Variants in INPP5F observed in about 807,000 individuals in gnomAD.
INPP5F encodes phosphatidylinositide 4-phosphatase SAC2.
INPP5F carries 97 observed loss-of-function variants against 137.2 expected under a neutral mutation model. The observed-to-expected ratio is 0.71, with a 90% CI of 0.60 to 0.84. INPP5F has a LOEUF of 0.84. INPP5F is among the 40% of genes least tolerant of loss of function. INPP5F has a pLI of 0.00. For synonymous variants in INPP5F, 504 were observed against 476.9 expected, an observed-to-expected ratio of 1.06 and a Z score of -0.74; for missense variants, 1,271 against 1,371.9, an observed-to-expected ratio of 0.93 and a Z score of 1.16.
chr10:119,777,799 T>C (rs527725290), intron 2 of INPP5F, among the ~76,000 whole-genome samples: 22 of 152,232 alleles, frequency 1.4e-4, no homozygotes, highest in African/African-American at 5.1e-4. Flanking sequence ...TGTTTAATGA[T>C]AATAGGGAAA....
chr10:119,801,980 TC>T, intron 9 of INPP5F, among the ~76,000 whole-genome samples: 1 of 152,198 alleles, frequency 6.6e-6, no homozygotes, highest in Non-Finnish European at 1.5e-5. Context: ...ATCCACCTTT[TC>T]CTGGGTAATT....
chr10:119,770,143 T>G (rs180811198), intron 2 of INPP5F, among the ~76,000 whole-genome samples: 160 of 152,276 alleles, frequency 1.1e-3, no homozygotes, highest in African/African-American at 3.8e-3. Context: ...TTTTTTTATC[T>G]TGCTGGGGAA....
In INPP5F at chr10:119,823,053, A is replaced by G; in HGVS notation, c.2033-18A>G. On this transcript the variant is annotated intron_variant, in intron 17 of 19. Coordinates refer to ENST00000650623, the MANE Select transcript of INPP5F (RefSeq NM_014937.4). The stretch of plus-strand genomic sequence containing the variant: ...ATGTGAAACATTTAACTTTATACGT[A>G]TTCATTTGGGATTTTAGGCCCTGAA... 1 of 1,602,402 alleles carries G rather than the reference A, an allele frequency of 6.2e-7. No individual in the cohort carries two copies. Among genetic ancestry groups the G allele is most frequent in the Non-Finnish European group, 8.5e-7 (1 of 1,175,810 alleles).
intron 2 of INPP5F, among the ~76,000 whole-genome samples, chr10:119,751,597 A>G (rs1848692398): frequency 6.6e-6 from 1 of 152,152 alleles, no homozygotes; most frequent in Non-Finnish European, 1.5e-5. Flanking sequence ...AGGGATCCCT[A>G]TCCAGGACAG....
At position 119,726,844 on chromosome 10, in the gene INPP5F, C is replaced by T. The variant is rs573380252; in HGVS notation, c.97+485C>T. ...TTGCCATCCCGTGTGTTCTTGGTCC[C>T]TTATTATTAAAGGTGTGACTTTACT... On this transcript the variant is annotated intron_variant, in intron 1 of 19. Coordinates refer to ENST00000650623, the MANE Select transcript of INPP5F (RefSeq NM_014937.4). 4.6e-5 allele frequency among the ~76,000 whole-genome samples: 7 copies of T among 152,364 alleles called. No homozygotes were observed. The South Asian group carries it at 1.4e-3, about 32-fold the overall frequency.
At chr10:119,775,898 C>T (rs1170452810) in intron 2 of INPP5F, among the ~76,000 whole-genome samples, 1 of 152,092 alleles carries the variant, frequency 6.6e-6, no homozygotes, top group Non-Finnish European at 1.5e-5. Flanking sequence ...AATCTGTTAG[C>T]AGGGTGTAGT....
At chr10:119,801,270 A>C (rs561719399) in intron 9 of INPP5F, among the ~76,000 whole-genome samples, 1 of 152,372 alleles carries the variant, frequency 6.6e-6, no homozygotes, top group African/African-American at 2.4e-5. Context: ...AGCGTATGGT[A>C]TGTTAGCCAT....
At chr10:119,745,035 G>T (rs889084579) in intron 1 of INPP5F, among the ~76,000 whole-genome samples, 1 of 151,618 alleles carries the variant, frequency 6.6e-6, no homozygotes, top group African/African-American at 2.4e-5. Context: ...TTCTTGACTG[G>T]ATGATGCATT....
At chr10:119,728,922 C>T (rs1260871656) in intron 1 of INPP5F, among the ~76,000 whole-genome samples, 1 of 152,086 alleles carries the variant, frequency 6.6e-6, no homozygotes, top group Non-Finnish European at 1.5e-5. Flanking sequence ...TACTTCTTCC[C>T]CGGTGGGAAG....
chr10:119,821,426 A>G (rs1030531343), intron 16 of INPP5F, among the ~76,000 whole-genome samples: 1 of 152,048 alleles, frequency 6.6e-6, no homozygotes, highest in East Asian at 1.9e-4. Flanking sequence ...GTTTGTTGTC[A>G]GATTGATCTC....
At chr10:119,798,522 T>C (rs1850467657) in intron 8 of INPP5F, 21 bp from the exon 9 acceptor site, 1 of 1,589,510 alleles carries the variant, frequency 6.3e-7, no homozygotes, top group Non-Finnish European at 8.6e-7. Flanking sequence ...GAAAAAAAGA[T>C]TTTGTATCAC....
In INPP5F at chr10:119,809,320, G is replaced by A. The variant is rs180962791; in HGVS notation, c.1570-780G>A. On this transcript the variant is annotated intron_variant, in intron 13 of 19. Coordinates refer to ENST00000650623, the MANE Select transcript of INPP5F (RefSeq NM_014937.4). Reference sequence around the variant, plus strand: ...CCTTGATTTTAAACTTCTTCGGGATGAGTATTATACCTTTTTTCTGTAATA... The same window carrying A: ...CCTTGATTTTAAACTTCTTCGGGATAAGTATTATACCTTTTTTCTGTAATA... Among the ~76,000 whole-genome samples, 5 of 151,656 alleles carry A rather than the reference G, an allele frequency of 3.3e-5. No homozygotes were observed. The East Asian group carries it at 9.7e-4, about 29-fold the overall frequency.
chr10:119,821,762 GCA>G (rs1851572894), intron 16 of INPP5F, among the ~76,000 whole-genome samples: 2 of 151,470 alleles, frequency 1.3e-5, no homozygotes, highest in South Asian at 2.1e-4. Flanking sequence ...GTGTGTGTGT[GCA>G]CACGCGCGCG....
In INPP5F at chr10:119,805,476, A is replaced by G; in HGVS notation, c.1319+15A>G. On this transcript the variant is annotated intron_variant, in intron 11 of 19. Coordinates refer to ENST00000650623, the MANE Select transcript of INPP5F (RefSeq NM_014937.4). ...AAGTGGTGTTGGTAAGTATTTTACA[A>G]GAACTCCTTTTTACAGACTCTGGGA... The G allele has an allele frequency of 6.4e-7, 1 of 1,551,236 alleles. No homozygotes were observed.
chr10:119,791,717 C>T lies in INPP5F; in HGVS notation c.444+72C>T, dbSNP rs1850152726. ...TTAAATAGAGAGATAATTCTCCACT[C>T]AGAAAATTTATTTTTAAACCATTTG... On this transcript the variant is annotated intron_variant, in intron 4 of 19. Transcript: ENST00000650623. 12 of 1,425,374 alleles carry T rather than the reference C, an allele frequency of 8.4e-6. No homozygotes were observed. The South Asian group carries it at 1.3e-4, about 15-fold the overall frequency. The allele number at this position is 1,425,374 out of a possible 1,614,324, so 88.3% of individuals were successfully genotyped here. A position where few individuals can be genotyped will look rare whatever the true frequency, so the allele number is the denominator to read the frequency against.
At chr10:119,752,248 GGTT>G (rs1300075859) in intron 2 of INPP5F, among the ~76,000 whole-genome samples, 1 of 152,178 alleles carries the variant, frequency 6.6e-6, no homozygotes, top group Admixed American at 6.5e-5. Flanking sequence ...TGTGCGGTAA[GGTT>G]GTTTTAAAAT....
chr10:119,755,293 G>C (rs1848807996), intron 2 of INPP5F, among the ~76,000 whole-genome samples: 1 of 152,190 alleles, frequency 6.6e-6, no homozygotes, highest in Non-Finnish European at 1.5e-5. Context: ...GGCTGGGTTG[G>C]TTCCTCCCGA....
chr10:119,786,615 A>G (rs1189029480), intron 3 of INPP5F, among the ~76,000 whole-genome samples: 5 of 152,120 alleles, frequency 3.3e-5, no homozygotes, highest in Admixed American at 6.5e-5. Context: ...CAGTGACGCA[A>G]TCATCCTGCC....
At chr10:119,798,696 A>T in intron 9 of INPP5F, 86 bp downstream of exon 9, 1 of 817,462 alleles carries the variant, frequency 1.2e-6, no homozygotes, top group Non-Finnish European at 1.9e-6. Context: ...ACATTGTACT[A>T]TTCAAAATTA....
Sources: allele counts gnomAD v4.1 joint callset (sites outside exome capture counted in the v4.1 genomes callset), GRCh38; gene constraint gnomAD v4.1.1; transcripts MANE v1.5; gene names NCBI Gene and HGNC (gene_info 2026-07-23, HGNC 2026-07-21).